The following LGSN variants were observed in gnomAD, a reference collection of about 807,000 sequenced individuals.
LGSN encodes the protein lengsin.
A neutral mutation model predicts 19.5 loss-of-function variants in LGSN; 21 were observed. The observed-to-expected ratio is 1.07, with a 90% CI of 0.76 to 1.55. The LOEUF is 1.55. Among genes scored for constraint, LGSN ranks in the 40% most tolerant of loss-of-function variants. The pLI, the probability that LGSN is intolerant of heterozygous loss-of-function variation, is 0.00. For missense variants in LGSN, 673 were observed against 608.5 expected (o/e 1.11, Z -1.12); for synonymous variants, 257 against 215.6 (o/e 1.19, Z -1.68).
the LGSN span, among the ~76,000 whole-genome samples, chr6:63,440,253 A>G: frequency 5.3e-5 from 8 of 152,116 alleles, no homozygotes; most frequent in African/African-American, 1.9e-4. Context: ...CTCCCTGCAT[A>G]ATGCCCACCT....
At chr6:63,353,292 C>T in the LGSN span, among the ~76,000 whole-genome samples, 1 of 152,044 alleles carries the variant, frequency 6.6e-6, no homozygotes, top group Non-Finnish European at 1.5e-5. Context: ...ACCCAACAGG[C>T]AAGAGGCAAT....
the LGSN span, among the ~76,000 whole-genome samples, chr6:63,372,859 T>C: frequency 6.6e-6 from 1 of 152,360 alleles, no homozygotes; most frequent in African/African-American, 2.4e-5. Flanking sequence ...AAAGTTCTTT[T>C]GTACTTAATT....
chr6:63,361,451 G>A, the LGSN span, among the ~76,000 whole-genome samples: 18 of 152,308 alleles, frequency 1.2e-4, 1 homozygote, highest in South Asian at 4.1e-4. Context: ...AGGACCCTCC[G>A]AGTCATGCGC....
At chr6:63,525,384 G>A in the LGSN span, among the ~76,000 whole-genome samples, 8 of 152,136 alleles carry the variant, frequency 5.3e-5, no homozygotes, top group African/African-American at 1.9e-4. Context: ...ACAGACGGGA[G>A]GAAGGAGGTG....
intron 2 of LGSN, among the ~76,000 whole-genome samples, chr6:63,290,293 G>A (rs1438448743): frequency 1.3e-5 from 2 of 152,168 alleles, no homozygotes; most frequent in Non-Finnish European, 2.9e-5. Flanking sequence ...CATGCTGTAA[G>A]TCACAATTGA....
chr6:63,512,161 C>T, the LGSN span, among the ~76,000 whole-genome samples: 1 of 151,810 alleles, frequency 6.6e-6, no homozygotes, highest in African/African-American at 2.4e-5. Context: ...CGGCTCACCG[C>T]AACCTCTGCC....
At chr6:63,552,902 C>T in the LGSN span, among the ~76,000 whole-genome samples, 1 of 152,122 alleles carries the variant, frequency 6.6e-6, no homozygotes, top group Non-Finnish European at 1.5e-5. Context: ...GGTACCAGTA[C>T]CGTGCTGTTT....
the LGSN span, among the ~76,000 whole-genome samples, chr6:63,502,371 T>A: frequency 1.3e-5 from 2 of 152,158 alleles, no homozygotes; most frequent in Non-Finnish European, 2.9e-5. Flanking sequence ...GGGCAATAAT[T>A]CTCAAAGTGC....
the LGSN span, among the ~76,000 whole-genome samples, chr6:63,460,827 T>A: frequency 6.6e-6 from 1 of 152,036 alleles, no homozygotes; most frequent in African/African-American, 2.4e-5. Context: ...TTCTCTTCTG[T>A]TCTAGTTCAC....
At chr6:63,408,592 G>C in the LGSN span, among the ~76,000 whole-genome samples, 2 of 150,262 alleles carry the variant, frequency 1.3e-5, no homozygotes, top group South Asian at 4.2e-4. Flanking sequence ...AGAAAACCTA[G>C]GCATTACCAA....
the LGSN span, among the ~76,000 whole-genome samples, chr6:63,526,920 T>C: frequency 6.6e-6 from 1 of 151,344 alleles, no homozygotes; most frequent in Admixed American, 6.6e-5. Flanking sequence ...GTTGGATTTA[T>C]ATGTAAGGGC....
chr6:63,437,825 G>A, the LGSN span, among the ~76,000 whole-genome samples: 1 of 152,150 alleles, frequency 6.6e-6, no homozygotes, highest in Non-Finnish European at 1.5e-5. Context: ...AGCTACTTGG[G>A]AGGCTGAGGC....
chr6:63,512,027 TC>T, the LGSN span, among the ~76,000 whole-genome samples: 2 of 152,112 alleles, frequency 1.3e-5, no homozygotes, highest in Admixed American at 1.3e-4. Flanking sequence ...GTAGTTCTGC[TC>T]CTGGACTGGC....
chr6:63,497,918 C>CTTTTTTTTTTTTTTTTTTT, the LGSN span, among the ~76,000 whole-genome samples: 6 of 121,906 alleles, frequency 4.9e-5, no homozygotes, highest in African/African-American at 1.4e-4. Flanking sequence ...TGTCATGTTT[C>CTTTTTTTTTTTTTTTTTTT]TTTTTTTTTT....
At chr6:63,339,150 A>G in the LGSN span, among the ~76,000 whole-genome samples, 3 of 152,104 alleles carry the variant, frequency 2.0e-5, no homozygotes, top group Admixed American at 6.6e-5. Context: ...GTATTTTGTA[A>G]CTGTTAGATG....
the LGSN span, among the ~76,000 whole-genome samples, chr6:63,556,397 T>C: frequency 6.6e-6 from 1 of 152,024 alleles, no homozygotes; most frequent in African/African-American, 2.4e-5. Context: ...CCCAGGCTGG[T>C]CTCAAGCTCC....
At chr6:63,458,550 G>A in the LGSN span, among the ~76,000 whole-genome samples, 1 of 152,120 alleles carries the variant, frequency 6.6e-6, no homozygotes, top group Non-Finnish European at 1.5e-5. Flanking sequence ...AAAGAACTGA[G>A]TTGAAAGCCT....
chr6:63,340,020 T>C, the LGSN span, among the ~76,000 whole-genome samples: 1 of 152,186 alleles, frequency 6.6e-6, no homozygotes, highest in Non-Finnish European at 1.5e-5. Flanking sequence ...GAAAAAAAGA[T>C]AGCTGTACTG....
At chr6:63,510,779 T>C in the LGSN span, among the ~76,000 whole-genome samples, 1 of 151,158 alleles carries the variant, frequency 6.6e-6, no homozygotes, top group Non-Finnish European at 1.5e-5. Flanking sequence ...ATTCAAGTGA[T>C]TCTCCTGCCT....
Sources: allele counts gnomAD v4.1 joint callset (sites outside exome capture counted in the v4.1 genomes callset), GRCh38; gene constraint gnomAD v4.1.1; transcripts MANE v1.5; gene names NCBI Gene and HGNC (gene_info 2026-07-23, HGNC 2026-07-21).